The following SCN3A variants were observed in gnomAD, a reference collection of about 807,000 sequenced individuals.
The protein encoded by SCN3A is sodium voltage-gated channel alpha subunit 3.
Under a neutral mutation model 187.6 loss-of-function variants are expected in SCN3A, and 60 were observed. The observed-to-expected ratio is 0.32, with a 90% CI of 0.26 to 0.40. SCN3A has a LOEUF of 0.40. Ranked by LOEUF, SCN3A falls within the 10% of genes least tolerant of loss-of-function variation. SCN3A has a pLI of 1.00. For synonymous variants in SCN3A, 788 were observed against 829.2 expected (o/e 0.95, Z 0.85); for missense variants, 1,601 against 2,428.2 (o/e 0.66, Z 7.16).
At chr2:165,164,330 C>T in intron 6 of SCN3A, 62 bp downstream of exon 6, 2 of 1,605,264 alleles carry the variant, frequency 1.2e-6, no homozygotes, top group Non-Finnish European at 1.7e-6. Flanking sequence ...GACACAAAGA[C>T]CTTGTTTGTA....
At chr2:165,104,041 T>C (rs978087527) in intron 21 of SCN3A, among the ~76,000 whole-genome samples, 3 of 151,974 alleles carry the variant, frequency 2.0e-5, no homozygotes, top group Non-Finnish European at 4.4e-5. Context: ...CATAAGAGAA[T>C]CAAGTGAAAA....
Position 165,137,766 on chromosome 2 carries a change from A to G in SCN3A, c.2391+113T>C, listed in dbSNP as rs1687755642. 1.7e-5 allele frequency: 14 copies of G among 814,604 alleles called. 1 individual carries two copies. The highest frequency in any genetic ancestry group is 1.5e-4 in the South Asian group (11 of 73,398). The allele number at this position is 814,604 out of a possible 1,614,324, so 50.5% of individuals were successfully genotyped here. A position where few individuals can be genotyped will look rare whatever the true frequency, so the allele number is the denominator to read the frequency against. On this transcript the variant is annotated intron_variant, in intron 15 of 27. Transcript: ENST00000283254. Reference sequence around the variant, plus strand: ...TAATATTCCTTAGATATTTCTTTCTATGAGGAAAGAGGATATAATTTTTGG... The same window carrying G: ...TAATATTCCTTAGATATTTCTTTCTGTGAGGAAAGAGGATATAATTTTTGG...
chr2:165,127,489 T>A, intron 18 of SCN3A, 142 bp downstream of exon 18: 1 of 700,684 alleles, frequency 1.4e-6, no homozygotes, highest in Non-Finnish European at 2.4e-6. Context: ...AAAGAGTATC[T>A]TGTGATTTTC....
In SCN3A at chr2:165,153,987, A is replaced by ATTTTTTTTTTTTTTTTTTTT. The variant is rs71393659; in HGVS notation, c.1380+445_1380+464dup. Among the ~76,000 whole-genome samples the ATTTTTTTTTTTTTTTTTTTT allele has an allele frequency of 3.2e-5, 3 of 92,770 alleles. 1 individual carries two copies. The highest frequency in any genetic ancestry group is 1.4e-4 in the African/African-American group (3 of 21,260). The allele number at this position is 92,770 out of a possible 152,430, so 60.9% of individuals were successfully genotyped here. On this transcript the variant is annotated intron_variant, in intron 11 of 27. Transcript: ENST00000283254. ...TATCCTGATGTGGGCTATAGCAAACATTTTTTTTTTTTTTTTTTTTTGCTA... is the reference window on the plus strand; with the variant it reads ...TATCCTGATGTGGGCTATAGCAAACATTTTTTTTTTTTTTTTTTTTTTTTTTTTTTTTTTTTTTTTTGCTA...
intron 5 of SCN3A, among the ~76,000 whole-genome samples, chr2:165,166,944 G>A (rs112326126): frequency 0.032 from 4,816 of 150,918 alleles, 247 homozygotes; most frequent in African/African-American, 0.1. Context: ...CTGTCGTCCA[G>A]GCTGGAATGC....
Position 165,094,490 on chromosome 2 carries a change from G to C in SCN3A, c.4432-12C>G, listed in dbSNP as rs374922635. On this transcript the variant is annotated splice_polypyrimidine_tract_variant and intron_variant, in intron 25 of 27. Coordinates refer to ENST00000283254, the MANE Select transcript of SCN3A (RefSeq NM_006922.4). The stretch of plus-strand genomic sequence containing the variant: ...TCTTGACCTCCAAAGTAAAGACATA[G>C]TATAAAACTGGTTACAATTCTGTGT... The C allele has an allele frequency of 2.9e-5, 44 of 1,527,292 alleles. No individual in the cohort carries two copies. Among genetic ancestry groups the C allele is most frequent in the Non-Finnish European group, 3.6e-6 (4 of 1,101,460 alleles). 94.6% of individuals were successfully genotyped at this position (1,527,292 alleles called of 1,614,324 possible). A position where few individuals can be genotyped will look rare whatever the true frequency, so the allele number is the denominator to read the frequency against.
At chr2:165,190,748 G>T (rs905324951) in intron 1 of SCN3A, among the ~76,000 whole-genome samples, 6 of 150,684 alleles carry the variant, frequency 4.0e-5, no homozygotes, top group Non-Finnish European at 8.9e-5. Flanking sequence ...TTTTCTCAAG[G>T]ACTATACTTA....
intron 2 of SCN3A, among the ~76,000 whole-genome samples, chr2:165,182,347 T>C (rs1559270826): frequency 6.6e-6 from 1 of 152,220 alleles, no homozygotes; most frequent in Non-Finnish European, 1.5e-5. Context: ...CTCTGCTGTG[T>C]TCCTGAAGCT....
At chr2:165,154,798 T>A in intron 10 of SCN3A, 140 bp from the exon 11 acceptor site, 1 of 785,128 alleles carries the variant, frequency 1.3e-6, no homozygotes, top group Middle Eastern at 2.6e-4. Flanking sequence ...TTTTTGGTAT[T>A]GATATGCTCA....
rs1307438230 is a variant in SCN3A at position 165,088,059 on chromosome 2, C to T, written c.*2091G>A. On this transcript the variant is annotated 3_prime_UTR_variant, in exon 28 of 28. Transcript: ENST00000283254. ...ATGTATACAAATGTCAGATCAAGCA[C>T]AGGTTTTATTAATTATATATATTTT... 1 of 152,152 alleles carries T rather than the reference C, an allele frequency of 6.6e-6. No homozygotes were observed. Among genetic ancestry groups the T allele is most frequent in the Admixed American group, 6.5e-5 (1 of 15,268 alleles). 9.4% of individuals were successfully genotyped at this position (152,152 alleles called of 1,614,324 possible). A position where few individuals can be genotyped will look rare whatever the true frequency, so the allele number is the denominator to read the frequency against.
In SCN3A at chr2:165,149,268, G is replaced by A. The variant is rs191300898; in HGVS notation, c.1381-2239C>T. 3.8e-3 allele frequency among the ~76,000 whole-genome samples: 579 copies of A among 151,798 alleles called. 3 individuals are homozygous for A. Among genetic ancestry groups the A allele is most frequent in the African/African-American group, 0.013 (537 of 41,380 alleles). On this transcript the variant is annotated intron_variant, in intron 11 of 27. Coordinates refer to ENST00000283254, the MANE Select transcript of SCN3A (RefSeq NM_006922.4). ...TCGGCTCACTGCAACCTCCACCCCCGGGTTCAAGTGATTCTCCTGCCTCAG... is the reference window on the plus strand; with the variant it reads ...TCGGCTCACTGCAACCTCCACCCCCAGGTTCAAGTGATTCTCCTGCCTCAG...
intron 21 of SCN3A, among the ~76,000 whole-genome samples, chr2:165,109,523 C>A (rs1202806795): frequency 6.6e-6 from 1 of 152,144 alleles, no homozygotes; most frequent in Non-Finnish European, 1.5e-5. Context: ...ATCCTCTACC[C>A]ATTTGTTCAC....
At chr2:165,142,861 C>T (rs1429728251) in intron 12 of SCN3A, among the ~76,000 whole-genome samples, 1 of 151,982 alleles carries the variant, frequency 6.6e-6, no homozygotes, top group Non-Finnish European at 1.5e-5. Flanking sequence ...AGCTATTCTC[C>T]TGCCTTACCC....
At chr2:165,188,051 TAC>T (rs1409926662) in intron 1 of SCN3A, among the ~76,000 whole-genome samples, 3 of 152,188 alleles carry the variant, frequency 2.0e-5, no homozygotes, top group Admixed American at 2.0e-4. Context: ...TCAATTTCAA[TAC>T]ATTTTTAAAA....
At chr2:165,129,529 C>T (rs1472014471) in intron 17 of SCN3A, among the ~76,000 whole-genome samples, 1 of 152,142 alleles carries the variant, frequency 6.6e-6, no homozygotes, top group Non-Finnish European at 1.5e-5. Flanking sequence ...GAACTATGAA[C>T]ATGCAAAGAG....
intron 1 of SCN3A, among the ~76,000 whole-genome samples, chr2:165,197,734 C>A (rs73969308): frequency 0.094 from 14,252 of 151,562 alleles, 775 homozygotes; most frequent in African/African-American, 0.1. Flanking sequence ...ATATTCTTAT[C>A]CCATACTATT....
chr2:165,099,191 C>T (rs1327777331), intron 22 of SCN3A, among the ~76,000 whole-genome samples: 1 of 152,178 alleles, frequency 6.6e-6, no homozygotes, highest in East Asian at 1.9e-4. Flanking sequence ...AAAGCCCTAT[C>T]ACCTAGACTA....
chr2:165,103,271 C>A (rs1160472388), intron 21 of SCN3A, among the ~76,000 whole-genome samples: 1 of 152,186 alleles, frequency 6.6e-6, no homozygotes, highest in Non-Finnish European at 1.5e-5. Context: ...TGACCTCTTT[C>A]ACTCATTATC....
chr2:165,147,717 AATTC>A (rs1436342368), intron 11 of SCN3A, among the ~76,000 whole-genome samples: 6 of 152,156 alleles, frequency 3.9e-5, no homozygotes, highest in Non-Finnish European at 7.4e-5. Context: ...GCATTACATA[AATTC>A]ATTCAAAGGA....
Sources: allele counts gnomAD v4.1 joint callset (sites outside exome capture counted in the v4.1 genomes callset), GRCh38; gene constraint gnomAD v4.1.1; transcripts MANE v1.5; gene names NCBI Gene and HGNC (gene_info 2026-07-23, HGNC 2026-07-21).